The following CAPN14 variants were observed in gnomAD, a reference collection of about 807,000 sequenced individuals.
CAPN14 encodes calpain 14.
A neutral mutation model predicts 101.3 loss-of-function variants in CAPN14; 94 were observed. That is an observed-to-expected ratio of 0.93 (90% CI 0.79 to 1.10). CAPN14 has a LOEUF of 1.10. Ranked by LOEUF, CAPN14 falls within the 50% of genes least tolerant of loss-of-function variation. The probability of loss-of-function intolerance (pLI) is 0.00; values close to 1 mark genes in which losing one functional copy is unlikely to be tolerated. For synonymous variants in CAPN14, 338 were observed against 317.9 expected (o/e 1.06, Z -0.67); for missense variants, 837 against 828.4 (o/e 1.01, Z -0.13).
intron 12 of CAPN14, among the ~76,000 whole-genome samples, chr2:31,190,471 A>T (rs925345522): frequency 2.0e-5 from 3 of 152,196 alleles, no homozygotes; most frequent in African/African-American, 7.2e-5. Flanking sequence ...GCTAAATTGC[A>T]TAATGAGCCA....
chr2:31,180,045 G>A (rs949249473), intron 17 of CAPN14, among the ~76,000 whole-genome samples: 2 of 152,092 alleles, frequency 1.3e-5, no homozygotes, highest in African/African-American at 4.8e-5. Flanking sequence ...GGTTGGCTTT[G>A]TAGACCATGC....
chr2:31,199,554 T>C (rs571841156), intron 6 of CAPN14, 22 bp from the exon 7 acceptor site: 25 of 1,545,912 alleles, frequency 1.6e-5, no homozygotes, highest in Non-Finnish European at 2.1e-5. Flanking sequence ...AGAGAGGTCC[T>C]GATCAGTCTT....
chr2:31,194,823 A>G (rs531219981), intron 8 of CAPN14, among the ~76,000 whole-genome samples: 2 of 152,340 alleles, frequency 1.3e-5, no homozygotes, highest in African/African-American at 2.4e-5. Flanking sequence ...GCATTTTTCA[A>G]AGCTCATCAT....
At chr2:31,203,370 T>C (rs1239157882) in intron 2 of CAPN14, among the ~76,000 whole-genome samples, 2 of 152,116 alleles carry the variant, frequency 1.3e-5, no homozygotes, top group Non-Finnish European at 2.9e-5. Context: ...TCTGTGTAGA[T>C]ATTGAGAAAT....
chr2:31,202,296 C>A, intron 3 of CAPN14, 44 bp from the exon 4 acceptor site: 1 of 1,458,096 alleles, frequency 6.9e-7, no homozygotes, highest in South Asian at 1.2e-5. Context: ...CTACTGGGGA[C>A]TTTATGACTG....
At chr2:31,224,079 T>G (rs1682946934) in intron 2 of CAPN14, among the ~76,000 whole-genome samples, 2 of 152,208 alleles carry the variant, frequency 1.3e-5, no homozygotes, top group South Asian at 4.1e-4. Flanking sequence ...CTTTAACATG[T>G]GAATTCCGTC....
chr2:31,190,587 G>C (rs141862385), intron 12 of CAPN14, among the ~76,000 whole-genome samples: 1 of 152,166 alleles, frequency 6.6e-6, no homozygotes, highest in East Asian at 1.9e-4. Context: ...CTGATTTGCA[G>C]GTTTCCTCTG....
intron 16 of CAPN14, 39 bp downstream of exon 16, chr2:31,186,389 T>C: frequency 6.9e-7 from 1 of 1,446,510 alleles, no homozygotes. Context: ...AAAAGTTGCA[T>C]CCCCTCTGAG....
intron 1 of CAPN14, among the ~76,000 whole-genome samples, chr2:31,214,051 T>C (rs1682526476): frequency 6.6e-6 from 1 of 152,228 alleles, no homozygotes; most frequent in African/African-American, 2.4e-5. Flanking sequence ...CAATGATGAA[T>C]GTGGCCCAAC....
At chr2:31,194,507 A>G in intron 8 of CAPN14, 24 bp from the exon 9 acceptor site, 1 of 1,513,532 alleles carries the variant, frequency 6.6e-7, no homozygotes. Flanking sequence ...AGGGAATGAA[A>G]AGCTTGTGGG....
chr2:31,233,147 G>C (rs1043350025), intron 1 of CAPN14, among the ~76,000 whole-genome samples: 6 of 152,232 alleles, frequency 3.9e-5, no homozygotes, highest in Admixed American at 3.3e-4. Context: ...ACTTAGCCCA[G>C]GCCCCTGCAC....
intron 1 of CAPN14, among the ~76,000 whole-genome samples, chr2:31,229,378 T>A (rs1184048575): frequency 1.3e-5 from 2 of 152,082 alleles, no homozygotes; most frequent in East Asian, 1.9e-4. Flanking sequence ...ATGAAAAAAA[T>A]TCCAACTTTG....
intron 13 of CAPN14, 89 bp downstream of exon 13, chr2:31,189,184 T>C (rs1681054077): frequency 8.6e-7 from 1 of 1,158,318 alleles, no homozygotes. Context: ...GCAGCAGAGA[T>C]CCTGGTTTCT....
chr2:31,196,323 A>G (rs1382362479), intron 8 of CAPN14, among the ~76,000 whole-genome samples: 3 of 152,232 alleles, frequency 2.0e-5, no homozygotes, highest in African/African-American at 7.2e-5. Flanking sequence ...TTGTTCCTCT[A>G]TGAAAGAAAC....
intron 10 of CAPN14, among the ~76,000 whole-genome samples, chr2:31,192,836 A>G (rs1375176393): frequency 6.6e-6 from 1 of 152,028 alleles, no homozygotes; most frequent in African/African-American, 2.4e-5. Context: ...TGCTTTTATC[A>G]TGCCTGTGTG....
intron 2 of CAPN14, among the ~76,000 whole-genome samples, chr2:31,223,109 T>C (rs1218193151): frequency 6.6e-6 from 1 of 152,228 alleles, no homozygotes; most frequent in Non-Finnish European, 1.5e-5. Context: ...AATAAATGTC[T>C]ATTGTTTATA....
At chr2:31,181,061 G>T in intron 16 of CAPN14, 61 bp from the exon 17 acceptor site, 1 of 1,382,772 alleles carries the variant, frequency 7.2e-7, no homozygotes, top group Non-Finnish European at 1.0e-6. Flanking sequence ...CCCCTTTTCT[G>T]AGCAGGAAGA....
At chr2:31,218,407 A>G (rs1682747930), upstream of CAPN14, among the ~76,000 whole-genome samples, 1 of 152,074 alleles carries the variant, frequency 6.6e-6, no homozygotes, top group Non-Finnish European at 1.5e-5. Flanking sequence ...GTGGAATCAG[A>G]GTCCCTTGCC....
intron 19 of CAPN14, 51 bp downstream of exon 19, chr2:31,177,695 G>T (rs1309729210): frequency 7.5e-7 from 1 of 1,332,502 alleles, no homozygotes; most frequent in East Asian, 2.5e-5. Flanking sequence ...TGCCTGATGA[G>T]TGTGCACCCT....
Sources: allele counts gnomAD v4.1 joint callset (sites outside exome capture counted in the v4.1 genomes callset), GRCh38; gene constraint gnomAD v4.1.1; transcripts MANE v1.5; gene names NCBI Gene and HGNC (gene_info 2026-07-23, HGNC 2026-07-21).